Variants in FAM174A observed in about 807,000 individuals in gnomAD.
The protein encoded by FAM174A is family with sequence similarity 174 member A, also known as membrane protein FAM174A.
Under a neutral mutation model 14.3 loss-of-function variants are expected in FAM174A, and 14 were observed. That is an observed-to-expected ratio of 0.98 (90% confidence interval 0.65 to 1.53). FAM174A has a LOEUF of 1.53. FAM174A is among the 40% of genes most tolerant of loss of function. The pLI is 0.00. For synonymous variants in FAM174A, 108 were observed against 111.4 expected, an observed-to-expected ratio of 0.97 and a Z score of 0.19; for missense variants, 241 against 249.6, an observed-to-expected ratio of 0.97 and a Z score of 0.23.
At chr5:100,551,307 C>A (rs1746258213) in intron 1 of FAM174A, among the ~76,000 whole-genome samples, 1 of 152,122 alleles carries the variant, frequency 6.6e-6, no homozygotes, top group African/African-American at 2.4e-5. Context: ...GGGTCCATCA[C>A]AGCATTCATG....
chr5:100,562,581 T>TGTGTGTGTGC (rs1433522321), intron 2 of FAM174A, among the ~76,000 whole-genome samples: 2 of 151,558 alleles, frequency 1.3e-5, no homozygotes, highest in Non-Finnish European at 3.0e-5. Context: ...TTAACTTGGG[T>TGTGTGTGTGC]GTGTGTGTGC....
intron 1 of FAM174A, among the ~76,000 whole-genome samples, chr5:100,561,568 A>G (rs1448519390): frequency 6.6e-6 from 1 of 151,954 alleles, no homozygotes. Context: ...GACTTTAAAA[A>G]ATACTCCCAG....
At position 100,554,009 on chromosome 5, in the gene FAM174A, C is replaced by G. The variant is rs73164249; in HGVS notation, c.435-8045C>G. On this transcript the variant is annotated intron_variant, in intron 1 of 2. Coordinates refer to ENST00000312637, the MANE Select transcript of FAM174A (RefSeq NM_198507.3). ...TAACAATGACAGGTTAACATATTGA[C>G]TATTTGATATATATGACCCGGGAGA... 3.3e-3 allele frequency among the ~76,000 whole-genome samples: 503 copies of G among 152,200 alleles called. 1 individual carries two copies. The highest frequency in any genetic ancestry group is 0.017 in the Middle Eastern group (5 of 294).
intron 2 of FAM174A, among the ~76,000 whole-genome samples, chr5:100,562,578 G>T (rs1228564936): frequency 1.3e-5 from 2 of 151,378 alleles, no homozygotes; most frequent in Non-Finnish European, 3.0e-5. Context: ...GTATTAACTT[G>T]GGTGTGTGTG....
At chr5:100,573,259 A>G (rs926155081) in intron 2 of FAM174A, among the ~76,000 whole-genome samples, 338 of 151,838 alleles carry the variant, frequency 2.2e-3, no homozygotes, top group South Asian at 3.5e-3. Context: ...TAGTTTAATT[A>G]GATCCCATTT....
intron 1 of FAM174A, among the ~76,000 whole-genome samples, chr5:100,545,072 A>T (rs1746137130): frequency 6.6e-6 from 1 of 152,188 alleles, no homozygotes; most frequent in Non-Finnish European, 1.5e-5. Context: ...CCTACACTTC[A>T]AAGTTCCTGA....
chr5:100,569,529 ACT>A (rs1377154704), intron 2 of FAM174A, among the ~76,000 whole-genome samples: 3 of 151,802 alleles, frequency 2.0e-5, no homozygotes. Flanking sequence ...GCAAGGAATA[ACT>A]CTGTGCAAAT....
intron 1 of FAM174A, 79 bp downstream of exon 1, chr5:100,536,043 T>G: frequency 1.5e-6 from 2 of 1,323,574 alleles, no homozygotes; most frequent in Non-Finnish European, 2.0e-6. Flanking sequence ...CTGACTTCTG[T>G]GACCCTTTCC....
intron 1 of FAM174A, among the ~76,000 whole-genome samples, chr5:100,536,406 A>G (rs531266993): frequency 6.6e-6 from 1 of 152,340 alleles, no homozygotes; most frequent in African/African-American, 2.4e-5. Context: ...AGTCTTACAA[A>G]TTATTTGTAC....
At chr5:100,559,036 G>A (rs1746463553) in intron 1 of FAM174A, among the ~76,000 whole-genome samples, 1 of 151,984 alleles carries the variant, frequency 6.6e-6, no homozygotes, top group Non-Finnish European at 1.5e-5. Context: ...CTAGCCTCGA[G>A]GGTCTTTACA....
At chr5:100,553,419 T>G (rs994821000) in intron 1 of FAM174A, among the ~76,000 whole-genome samples, 1 of 152,104 alleles carries the variant, frequency 6.6e-6, no homozygotes, top group Non-Finnish European at 1.5e-5. Flanking sequence ...AGCATGTGTG[T>G]TTTATTATAG....
rs201541686 is a variant in FAM174A at position 100,535,895 on chromosome 5, A to G, written c.365A>G (p.Gln122Arg). The G allele has an allele frequency of 1.6e-5, 26 of 1,612,888 alleles. No individual in the cohort carries two copies. The Admixed American group carries it at 4.0e-4, about 25-fold the overall frequency. ...SPNPGDKPMT[Q>R]RALTVLMVVS... ...AACCCTGGCGACAAGCCCATGACCC[A>G]GCGGGCCCTGACCGTGTTGATGGTG... Residue 122 changes from glutamine (Q) to arginine (R), a missense_variant, in exon 1 of 3, where the codon CAG becomes CGG. Coordinates refer to ENST00000312637, the MANE Select transcript of FAM174A (RefSeq NM_198507.3).
chr5:100,567,223 A>G (rs572318558), intron 2 of FAM174A, among the ~76,000 whole-genome samples: 1 of 151,866 alleles, frequency 6.6e-6, no homozygotes, highest in Non-Finnish European at 1.5e-5. Flanking sequence ...AAACTTCTTT[A>G]ATATATATCT....
chr5:100,556,356 A>G (rs1189303690), intron 1 of FAM174A, among the ~76,000 whole-genome samples: 1 of 152,142 alleles, frequency 6.6e-6, no homozygotes, highest in Non-Finnish European at 1.5e-5. Flanking sequence ...CTTGTAGTAT[A>G]GTTTGAAGTC....
At chr5:100,571,793 T>G (rs963358446) in intron 2 of FAM174A, among the ~76,000 whole-genome samples, 2 of 151,560 alleles carry the variant, frequency 1.3e-5, no homozygotes, top group Non-Finnish European at 2.9e-5. Flanking sequence ...TCAGTAAATC[T>G]ACTTTCCATT....
At chr5:100,586,137 G>C (rs2370612) in intron 2 of FAM174A, 44 bp from the exon 3 acceptor site, 512,327 of 1,081,276 alleles carry the variant, frequency 0.47, 129,895 homozygotes, top group African/African-American at 0.81. Flanking sequence ...TTTTAAAATT[G>C]TTCTAGAAAG....
At chr5:100,558,360 A>G (rs1247953302) in intron 1 of FAM174A, among the ~76,000 whole-genome samples, 5 of 152,112 alleles carry the variant, frequency 3.3e-5, no homozygotes, top group African/African-American at 7.2e-5. Flanking sequence ...ACTTCCAACT[A>G]TGTGGTCAGT....
At chr5:100,585,089 G>A (rs1747101414) in intron 2 of FAM174A, among the ~76,000 whole-genome samples, 1 of 152,138 alleles carries the variant, frequency 6.6e-6, no homozygotes, top group South Asian at 2.1e-4. Flanking sequence ...GAGATGATTA[G>A]TGTCACGTGG....
At chr5:100,550,060 T>C (rs1746234290) in intron 1 of FAM174A, among the ~76,000 whole-genome samples, 1 of 152,092 alleles carries the variant, frequency 6.6e-6, no homozygotes, top group African/African-American at 2.4e-5. Flanking sequence ...TTATTCATAG[T>C]GTATATGAGG....
Sources: gnomAD v4.1 joint callset for allele counts (sites outside exome capture counted in the v4.1 genomes callset) on GRCh38, gnomAD v4.1.1 for gene constraint, MANE v1.5 for transcripts, NCBI Gene and HGNC (gene_info 2026-07-23, HGNC 2026-07-21) for gene names.